DCC: variants seen among roughly 807,000 people sequenced by gnomAD.
DCC encodes netrin receptor DCC.
DCC carries 58 observed loss-of-function variants against 172.5 expected under a neutral mutation model. The observed-to-expected ratio is 0.34, with a 90% CI of 0.27 to 0.42. DCC has a LOEUF of 0.42. Among genes scored for constraint, DCC ranks in the 10% least tolerant of loss-of-function variants. DCC has a pLI of 1.00. For missense variants in DCC, 1,740 were observed against 1,791.0 expected, an observed-to-expected ratio of 0.97 and a Z score of 0.51; for synonymous variants, 709 against 644.5, an observed-to-expected ratio of 1.10 and a Z score of -1.52.
intron 3 of DCC, among the ~76,000 whole-genome samples, chr18:52,922,961 A>G (rs940763308): frequency 6.6e-6 from 1 of 152,188 alleles, no homozygotes; most frequent in African/African-American, 2.4e-5. Context: ...AGTCGCATAA[A>G]GACTGTTTCA....
intron 5 of DCC, among the ~76,000 whole-genome samples, chr18:52,975,349 G>T (rs1183444268): frequency 6.6e-6 from 1 of 152,124 alleles, no homozygotes; most frequent in Non-Finnish European, 1.5e-5. Context: ...GTTGAATTAG[G>T]ACTCTACTCT....
intron 1 of DCC, among the ~76,000 whole-genome samples, chr18:52,660,591 T>C (rs2035341050): frequency 1.3e-5 from 2 of 152,186 alleles, no homozygotes; most frequent in Admixed American, 6.5e-5. Flanking sequence ...AGTCACAAAC[T>C]AAAGGAGAAA....
chr18:53,236,507 T>C (rs1218881433), intron 12 of DCC, among the ~76,000 whole-genome samples: 1 of 152,130 alleles, frequency 6.6e-6, no homozygotes, highest in Non-Finnish European at 1.5e-5. Context: ...GGCTTACCTC[T>C]GTAAGTTGGA....
intron 2 of DCC, among the ~76,000 whole-genome samples, chr18:52,755,673 A>G (rs1398888521): frequency 6.6e-6 from 1 of 152,192 alleles, no homozygotes; most frequent in Non-Finnish European, 1.5e-5. Flanking sequence ...TTAGCACTCA[A>G]TAAACCAGTC....
intron 7 of DCC, among the ~76,000 whole-genome samples, chr18:53,093,209 G>A (rs1293500487): frequency 3.9e-5 from 6 of 152,160 alleles, no homozygotes; most frequent in East Asian, 3.9e-4. Flanking sequence ...CTCTGGAGGC[G>A]GAGGTTGCAG....
chr18:52,537,016 G>T (rs1452873048), intron 1 of DCC, among the ~76,000 whole-genome samples: 1 of 152,158 alleles, frequency 6.6e-6, no homozygotes, highest in Non-Finnish European at 1.5e-5. Flanking sequence ...GTTAATAAGA[G>T]AGTGCAGGGA....
intron 5 of DCC, among the ~76,000 whole-genome samples, chr18:52,943,629 G>C (rs1369990824): frequency 6.6e-6 from 1 of 152,110 alleles, no homozygotes; most frequent in Non-Finnish European, 1.5e-5. Flanking sequence ...TTTAAGACAA[G>C]AATGAATGTT....
chr18:52,959,487 G>T (rs1191962259), intron 5 of DCC, among the ~76,000 whole-genome samples: 1 of 152,016 alleles, frequency 6.6e-6, no homozygotes, highest in East Asian at 1.9e-4. Context: ...TGGATATATT[G>T]TGTGATGCTG....
intron 1 of DCC, among the ~76,000 whole-genome samples, chr18:52,667,032 T>C (rs2035469231): frequency 6.6e-6 from 1 of 152,092 alleles, no homozygotes; most frequent in South Asian, 2.1e-4. Flanking sequence ...GAAGGTACAA[T>C]CTGTGAGTCA....
At chr18:52,472,893 C>A (rs1394871825) in intron 1 of DCC, among the ~76,000 whole-genome samples, 1 of 152,088 alleles carries the variant, frequency 6.6e-6, no homozygotes, top group Non-Finnish European at 1.5e-5. Flanking sequence ...GGTGACAGAG[C>A]AAGACCCTGC....
chr18:53,262,372 T>C (rs904883206), intron 12 of DCC, among the ~76,000 whole-genome samples: 1 of 152,242 alleles, frequency 6.6e-6, no homozygotes, highest in Admixed American at 6.5e-5. Flanking sequence ...CTCATGACTT[T>C]CTGGCATAAC....
chr18:53,362,459 A>G (rs2057958346), intron 15 of DCC, among the ~76,000 whole-genome samples: 2 of 152,176 alleles, frequency 1.3e-5, no homozygotes, highest in Admixed American at 6.5e-5. Flanking sequence ...GTTGTTGGTC[A>G]AGTTACTTAA....
chr18:52,739,640 C>T (rs1041673466), intron 1 of DCC, among the ~76,000 whole-genome samples: 21 of 152,094 alleles, frequency 1.4e-4, no homozygotes, highest in African/African-American at 5.1e-4. Context: ...AAAAGAGGAA[C>T]CTGATGAGAA....
chr18:53,139,225 A>G (rs935602463), intron 7 of DCC, among the ~76,000 whole-genome samples: 2 of 152,170 alleles, frequency 1.3e-5, no homozygotes, highest in Non-Finnish European at 2.9e-5. Context: ...CTTTTTCCGG[A>G]CTAAGCCACT....
intron 19 of DCC, among the ~76,000 whole-genome samples, chr18:53,407,428 G>A (rs1236118549): frequency 6.7e-6 from 1 of 148,498 alleles, no homozygotes; most frequent in African/African-American, 2.5e-5. Context: ...TGAAGAGGTA[G>A]GACATGCACA....
At chr18:53,263,813 T>C (rs2056634780) in intron 12 of DCC, among the ~76,000 whole-genome samples, 1 of 151,902 alleles carries the variant, frequency 6.6e-6, no homozygotes, top group South Asian at 2.1e-4. Context: ...TTTTATGATA[T>C]TTATAATATT....
In DCC at chr18:53,289,621, G is replaced by A. The variant is rs180718804; in HGVS notation, c.1912-15957G>A. Among the ~76,000 whole-genome samples the A allele has an allele frequency of 2.6e-5, 4 of 152,164 alleles. No individual in the cohort carries two copies. In the East Asian group the frequency reaches 7.7e-4, roughly 29 times the overall value. ...TGTTTATTGAACAAATTAATAAAGTGACTAATGTAAATTATAGTGAGATTT... is the reference window on the plus strand; with the variant it reads ...TGTTTATTGAACAAATTAATAAAGTAACTAATGTAAATTATAGTGAGATTT... On this transcript the variant is annotated intron_variant, in intron 12 of 28. Transcript: ENST00000442544.
At chr18:52,479,580 A>T in intron 1 of DCC, among the ~76,000 whole-genome samples, 1 of 116,802 alleles carries the variant, frequency 8.6e-6, no homozygotes, top group African/African-American at 3.4e-5. Context: ...ACCTCCCTCC[A>T]CCCCCCCCCC....
chr18:52,802,567 C>T (rs2038012380), intron 2 of DCC, among the ~76,000 whole-genome samples: 1 of 147,444 alleles, frequency 6.8e-6, no homozygotes, highest in Non-Finnish European at 1.5e-5. Flanking sequence ...CAGCCTCAGT[C>T]TCCTGAGCTC....
Sources: allele counts gnomAD v4.1 joint callset (sites outside exome capture counted in the v4.1 genomes callset), GRCh38; gene constraint gnomAD v4.1.1; transcripts MANE v1.5; gene names NCBI Gene and HGNC (gene_info 2026-07-23, HGNC 2026-07-21).